Variants in SLC38A12 observed in about 807,000 individuals in gnomAD.
SLC38A12 encodes solute carrier family 38 member 12, also known as putative sodium-coupled neutral amino acid transporter 12.
At chr17:74,828,730 T>C in the SLC38A12 span, among the ~76,000 whole-genome samples, 2 of 152,112 alleles carry the variant, frequency 1.3e-5, no homozygotes, top group African/African-American at 4.8e-5. Context: ...AGCCCATTTG[T>C]CCTTGGGCTT....
At chr17:74,833,361 A>T in the SLC38A12 span, among the ~76,000 whole-genome samples, 1 of 152,186 alleles carries the variant, frequency 6.6e-6, no homozygotes, top group East Asian at 1.9e-4. Context: ...GTTCTACATC[A>T]TTGTTGGTGT....
chr17:74,797,000 G>A, the SLC38A12 span, among the ~76,000 whole-genome samples: 11 of 152,290 alleles, frequency 7.2e-5, no homozygotes, highest in South Asian at 2.1e-4. Context: ...GGATTTGAGC[G>A]GCTCGCACAG....
At chr17:74,795,625 T>C in the SLC38A12 span, 2 of 1,613,618 alleles carry the variant, frequency 1.2e-6, no homozygotes, top group African/African-American at 1.3e-5. Flanking sequence ...GCCTACCGCA[T>C]CTACTTGGTG....
chr17:74,838,694 G>T, the SLC38A12 span: 1 of 1,429,936 alleles, frequency 7.0e-7, no homozygotes, highest in Non-Finnish European at 9.1e-7. Flanking sequence ...GTCAGATGAG[G>T]TCACCTTCCT....
At chr17:74,791,626 C>T in the SLC38A12 span, among the ~76,000 whole-genome samples, 1 of 152,268 alleles carries the variant, frequency 6.6e-6, no homozygotes, top group African/African-American at 2.4e-5. Context: ...CTGCTATGCG[C>T]ACGCCTGGGC....
chr17:74,818,807 T>C, the SLC38A12 span, among the ~76,000 whole-genome samples: 1 of 152,140 alleles, frequency 6.6e-6, no homozygotes, highest in African/African-American at 2.4e-5. Context: ...AATGGTACCA[T>C]CATCTTAACT....
At chr17:74,787,795 T>TC in the SLC38A12 span, among the ~76,000 whole-genome samples, 4 of 52,118 alleles carry the variant, frequency 7.7e-5, no homozygotes, top group Non-Finnish European at 1.4e-4. Flanking sequence ...CTCTCAAGTA[T>TC]CCTTTTTTTT....
chr17:74,814,772 C>T, the SLC38A12 span, among the ~76,000 whole-genome samples: 2 of 152,102 alleles, frequency 1.3e-5, no homozygotes, highest in Admixed American at 1.3e-4. Context: ...TTGTGAGCAT[C>T]CCACGTTTGA....
chr17:74,784,929 AT>A, the SLC38A12 span, among the ~76,000 whole-genome samples: 3 of 151,158 alleles, frequency 2.0e-5, no homozygotes, highest in Admixed American at 6.6e-5. Flanking sequence ...AAATGGGTGG[AT>A]TTTATGGTAT....
At chr17:74,809,933 G>A in the SLC38A12 span, among the ~76,000 whole-genome samples, 20 of 152,094 alleles carry the variant, frequency 1.3e-4, no homozygotes, top group Non-Finnish European at 2.8e-4. Flanking sequence ...CTTTATCTCC[G>A]CTAGCTGGGC....
At chr17:74,800,295 G>A in the SLC38A12 span, among the ~76,000 whole-genome samples, 1 of 152,248 alleles carries the variant, frequency 6.6e-6, no homozygotes, top group African/African-American at 2.4e-5. Context: ...CCTGGTGAGT[G>A]AGCGCCTTTG....
chr17:74,815,704 G>C, the SLC38A12 span, among the ~76,000 whole-genome samples: 44 of 152,306 alleles, frequency 2.9e-4, no homozygotes, highest in Non-Finnish European at 5.7e-4. Flanking sequence ...TGGTGGACAC[G>C]GCACAGCCTC....
At chr17:74,812,046 AAAT>A in the SLC38A12 span, among the ~76,000 whole-genome samples, 1 of 151,886 alleles carries the variant, frequency 6.6e-6, no homozygotes, top group Non-Finnish European at 1.5e-5. Context: ...AAAAAAAAAA[AAAT>A]AGCATTGACT....
the SLC38A12 span, among the ~76,000 whole-genome samples, chr17:74,780,407 A>G: frequency 6.6e-6 from 1 of 152,242 alleles, no homozygotes; most frequent in Non-Finnish European, 1.5e-5. Context: ...CCTCCAGTGC[A>G]GCCACAGAGG....
At chr17:74,787,632 A>C in the SLC38A12 span, among the ~76,000 whole-genome samples, 1 of 151,112 alleles carries the variant, frequency 6.6e-6, no homozygotes, top group African/African-American at 2.4e-5. Flanking sequence ...CCGTCTCAAA[A>C]AAAAAAAAAA....
At chr17:74,803,344 C>T in the SLC38A12 span, among the ~76,000 whole-genome samples, 1 of 152,098 alleles carries the variant, frequency 6.6e-6, no homozygotes, top group South Asian at 2.1e-4. Context: ...AGGCAGCCCA[C>T]CTGAAAGCAG....
chr17:74,790,833 G>A, the SLC38A12 span: 1 of 698,504 alleles, frequency 1.4e-6, no homozygotes, highest in Non-Finnish European at 2.3e-6. Flanking sequence ...ATTAGGAAAA[G>A]TTTTCTCGAG....
the SLC38A12 span, among the ~76,000 whole-genome samples, chr17:74,818,008 T>C: frequency 1.3e-5 from 2 of 152,152 alleles, no homozygotes; most frequent in Non-Finnish European, 2.9e-5. Context: ...GTTTATGCAT[T>C]CTTCTACCTG....
At chr17:74,821,121 G>A in the SLC38A12 span, among the ~76,000 whole-genome samples, 754 of 152,344 alleles carry the variant, frequency 4.9e-3, 5 homozygotes, top group African/African-American at 0.016. Context: ...ACTCTGAGGG[G>A]TTGTATGTCA....
Sources: allele counts gnomAD v4.1 joint callset (sites outside exome capture counted in the v4.1 genomes callset), GRCh38; gene constraint gnomAD v4.1.1; transcripts MANE v1.5; gene names NCBI Gene and HGNC (gene_info 2026-07-23, HGNC 2026-07-21).